LRP1B: variants seen among roughly 807,000 people sequenced by gnomAD.
LRP1B encodes the protein low-density lipoprotein receptor-related protein 1B.
A neutral mutation model predicts 556.6 loss-of-function variants in LRP1B; 217 were observed. The observed-to-expected ratio is 0.39, with a 90% CI of 0.35 to 0.44. LRP1B has a LOEUF of 0.44. Among genes scored for constraint, LRP1B ranks in the 20% least tolerant of loss-of-function variants. The pLI is 1.00. For synonymous variants in LRP1B, 2,047 were observed against 1,865.8 expected (o/e 1.10, Z -2.50); for missense variants, 5,053 against 5,620.8 (o/e 0.90, Z 3.23).
At chr2:142,042,960 T>A (rs1574625752) in intron 1 of LRP1B, among the ~76,000 whole-genome samples, 1 of 150,940 alleles carries the variant, frequency 6.6e-6, no homozygotes, top group Non-Finnish European at 1.5e-5. Context: ...TGATTTAAAT[T>A]GATACATTTA....
intron 2 of LRP1B, among the ~76,000 whole-genome samples, chr2:141,600,544 A>G (rs564386117): frequency 7.9e-5 from 12 of 152,212 alleles, no homozygotes; most frequent in South Asian, 4.1e-4. Flanking sequence ...TGGGTGAACT[A>G]GAAGCTGTAG....
At position 141,196,313 on chromosome 2, in the gene LRP1B, G is replaced by A. The variant is rs964768629; in HGVS notation, c.851-7730C>T. Among the ~76,000 whole-genome samples, 16 of 151,842 alleles carry A rather than the reference G, an allele frequency of 1.1e-4. 1 individual carries two copies. The highest frequency in any genetic ancestry group is 1.6e-4 in the Non-Finnish European group (11 of 67,968). ...TTACTTTCGTAATTCTCTATAAGAC[G>A]TTTCTATTAGTATTTTTAAAATTTA... On this transcript the variant is annotated intron_variant, in intron 6 of 90. Transcript: ENST00000389484.
Position 141,810,315 on chromosome 2 carries a change from C to T in LRP1B, c.169G>A (p.Asp57Asn), listed in dbSNP as rs2105707371. 6.2e-7 allele frequency: 1 copy of T among 1,613,220 alleles called. No individual in the cohort carries two copies. ...GACTCGTCTGAATCATCAGGGCAGT[C>T]AGGGTCCCCATCACACAGCCAGCTC... ...SQSWLCDGDP[D>N]CPDDSDESLD... Residue 57 changes from aspartate to asparagine, a missense_variant, in exon 2 of 91, where the codon GAC (aspartate) becomes AAC (asparagine). This residue lies in a region of LRP1B where 3,619 missense variants were observed against 3,931.9 expected (regional missense o/e 0.92). Transcript: ENST00000389484.
At chr2:141,297,895 A>G (rs536103674) in intron 3 of LRP1B, among the ~76,000 whole-genome samples, 1 of 152,300 alleles carries the variant, frequency 6.6e-6, no homozygotes, top group East Asian at 1.9e-4. Flanking sequence ...TTTGTCACCT[A>G]GTAGCAATAG....
At chr2:141,914,618 A>G (rs1313826156) in intron 1 of LRP1B, among the ~76,000 whole-genome samples, 1 of 152,242 alleles carries the variant, frequency 6.6e-6, no homozygotes, top group Non-Finnish European at 1.5e-5. Context: ...AGATTATGCC[A>G]AAAGGCTCCT....
rs933925279 is a variant in LRP1B, at chr2:141,054,118, T to C, written c.1552+998A>G. Among the ~76,000 whole-genome samples, 3 of 152,020 alleles carry C rather than the reference T, an allele frequency of 2.0e-5. No individual in the cohort carries two copies. In the East Asian group the frequency reaches 5.8e-4, roughly 29 times the overall value. ...CTTTGATTCTTCACTTTAAACTATATATTCTATTAGTAGCTCTAACCATTC... is the reference window on the plus strand; with the variant it reads ...CTTTGATTCTTCACTTTAAACTATACATTCTATTAGTAGCTCTAACCATTC... On this transcript the variant is annotated intron_variant, in intron 10 of 90. Transcript: ENST00000389484.
chr2:140,374,207 T>A (rs1683121790), intron 68 of LRP1B, among the ~76,000 whole-genome samples: 1 of 152,208 alleles, frequency 6.6e-6, no homozygotes, highest in Non-Finnish European at 1.5e-5. Context: ...TGGAATACTC[T>A]AATGAAGTGT....
chr2:141,768,018 T>G (rs1694782432), intron 2 of LRP1B, among the ~76,000 whole-genome samples: 1 of 152,118 alleles, frequency 6.6e-6, no homozygotes. Context: ...ACAATATAAC[T>G]TTCTGATCTT....
At chr2:140,417,117 G>A (rs1211336360) in intron 66 of LRP1B, among the ~76,000 whole-genome samples, 1 of 152,140 alleles carries the variant, frequency 6.6e-6, no homozygotes, top group East Asian at 1.9e-4. Context: ...TGCATTAAAA[G>A]ACAAGCCTTT....
At chr2:140,609,967 G>T (rs1013273514) in intron 41 of LRP1B, among the ~76,000 whole-genome samples, 31 of 151,830 alleles carry the variant, frequency 2.0e-4, no homozygotes, top group African/African-American at 7.3e-4. Flanking sequence ...ACCTTATCTC[G>T]GGTTAGTGTC....
rs186525355 is a variant in LRP1B, at chr2:140,576,340, T to C, written c.7194+22291A>G. 7.0e-4 allele frequency among the ~76,000 whole-genome samples: 107 copies of C among 152,366 alleles called. 1 individual carries two copies. Among genetic ancestry groups the C allele is most frequent in the African/African-American group, 1.9e-3 (80 of 41,590 alleles). On this transcript the variant is annotated intron_variant, in intron 43 of 90. Coordinates refer to ENST00000389484, the MANE Select transcript of LRP1B (RefSeq NM_018557.3). ...TTCCTACTTCCTTTGGGAAAGCTTTTACTTGCTTTGTAAGACGTAAGTCAG... is the reference window on the plus strand; with the variant it reads ...TTCCTACTTCCTTTGGGAAAGCTTTCACTTGCTTTGTAAGACGTAAGTCAG...
At chr2:141,873,395 T>G (rs562098045) in intron 1 of LRP1B, among the ~76,000 whole-genome samples, 1 of 152,164 alleles carries the variant, frequency 6.6e-6, no homozygotes, top group Admixed American at 6.6e-5. Context: ...ACCTATTTTT[T>G]GCATATTGTA....
intron 84 of LRP1B, among the ~76,000 whole-genome samples, chr2:140,277,911 G>A (rs1682749080): frequency 6.6e-6 from 1 of 151,848 alleles, no homozygotes; most frequent in African/African-American, 2.4e-5. Context: ...GCACATGTAT[G>A]TCAAGAAACA....
chr2:141,951,284 G>A (rs181379734), intron 1 of LRP1B, among the ~76,000 whole-genome samples: 303 of 152,004 alleles, frequency 2.0e-3, no homozygotes, highest in African/African-American at 6.7e-3. Context: ...CAGTGCACCC[G>A]TTACCCGAGC....
intron 3 of LRP1B, among the ~76,000 whole-genome samples, chr2:141,415,383 A>G: frequency 6.6e-6 from 1 of 151,992 alleles, no homozygotes; most frequent in Non-Finnish European, 1.5e-5. Flanking sequence ...TGACTTTTCT[A>G]TCATCTGTGT....
At chr2:142,009,922 A>G (rs1342431218) in intron 1 of LRP1B, among the ~76,000 whole-genome samples, 1 of 152,122 alleles carries the variant, frequency 6.6e-6, no homozygotes, top group Non-Finnish European at 1.5e-5. Flanking sequence ...ATAGATGCAT[A>G]TGTAGATGTA....
At chr2:142,006,862 T>C (rs1301332318) in intron 1 of LRP1B, among the ~76,000 whole-genome samples, 1 of 152,204 alleles carries the variant, frequency 6.6e-6, no homozygotes, top group Non-Finnish European at 1.5e-5. Context: ...TTTTAGACTA[T>C]TTTTAACATG....
chr2:140,448,799 T>C (rs1224544395), intron 63 of LRP1B, among the ~76,000 whole-genome samples: 1 of 152,140 alleles, frequency 6.6e-6, no homozygotes, highest in Non-Finnish European at 1.5e-5. Flanking sequence ...GTAATGCATA[T>C]GTTAAATACC....
intron 3 of LRP1B, among the ~76,000 whole-genome samples, chr2:141,314,076 T>A (rs959945799): frequency 6.6e-6 from 1 of 152,184 alleles, no homozygotes; most frequent in African/African-American, 2.4e-5. Flanking sequence ...CATTTTTATG[T>A]TTTTATCTTG....
Sources: gnomAD v4.1 joint callset for allele counts (sites outside exome capture counted in the v4.1 genomes callset) on GRCh38, gnomAD v4.1.1 for gene constraint, gnomAD v4.1.1 regional missense constraint, MANE v1.5 for transcripts, NCBI Gene and HGNC (gene_info 2026-07-23, HGNC 2026-07-21) for gene names.